The following ITPR1 variants were observed in gnomAD, a reference collection of about 807,000 sequenced individuals.
ITPR1 encodes the protein inositol 1,4,5-trisphosphate-gated calcium channel ITPR1.
ITPR1 carries 96 observed loss-of-function variants against 318.4 expected under a neutral mutation model. The ratio of observed to expected loss-of-function variants is 0.30; its 90% CI spans 0.26 to 0.36. The LOEUF (loss-of-function observed/expected upper bound fraction) is 0.36. Among genes scored for constraint, ITPR1 ranks in the 10% least tolerant of loss-of-function variants. ITPR1 has a pLI of 1.00. For missense variants in ITPR1, 2,440 were observed against 3,460.2 expected (o/e 0.71, Z 7.40); for synonymous variants, 1,312 against 1,289.9 (o/e 1.02, Z -0.37).
chr3:4,610,974 CCTCCTT>C (rs1260958358), intron 4 of ITPR1, among the ~76,000 whole-genome samples: 5 of 83,292 alleles, frequency 6.0e-5, no homozygotes, highest in Non-Finnish European at 7.3e-5. Flanking sequence ...CCCCCTTCCC[CCTCCTT>C]CTCCTTCTCC....
At chr3:4,598,485 G>T (rs1043254220) in intron 4 of ITPR1, among the ~76,000 whole-genome samples, 1 of 152,108 alleles carries the variant, frequency 6.6e-6, no homozygotes, top group Admixed American at 6.5e-5. Context: ...GCTGGGTGTG[G>T]TGGTGGGTGC....
At chr3:4,821,967 T>A (rs897421919) in intron 60 of ITPR1, among the ~76,000 whole-genome samples, 17 of 152,316 alleles carry the variant, frequency 1.1e-4, no homozygotes, top group Middle Eastern at 3.4e-3. Flanking sequence ...GATGGGAGTA[T>A]CCCCCTCAAA....
At chr3:4,594,087 T>C (rs1575644037) in intron 4 of ITPR1, among the ~76,000 whole-genome samples, 1 of 152,228 alleles carries the variant, frequency 6.6e-6, no homozygotes, top group South Asian at 2.1e-4. Context: ...AGGTAGAAGG[T>C]AGACTTCGGG....
At chr3:4,757,760 G>A (rs569064905) in intron 44 of ITPR1, among the ~76,000 whole-genome samples, 4 of 152,306 alleles carry the variant, frequency 2.6e-5, no homozygotes, top group South Asian at 4.2e-4. Context: ...CCGGCAAATC[G>A]GAAACGTTCA....
intron 39 of ITPR1, among the ~76,000 whole-genome samples, chr3:4,714,597 C>T (rs1255308789): frequency 6.6e-6 from 1 of 152,148 alleles, no homozygotes; most frequent in Admixed American, 6.5e-5. Context: ...TTCCCAAATC[C>T]CTGTGAGGTG....
intron 4 of ITPR1, among the ~76,000 whole-genome samples, chr3:4,626,066 G>C (rs555503861): frequency 4.0e-4 from 61 of 152,152 alleles, no homozygotes; most frequent in African/African-American, 1.3e-3. Context: ...TTCAGTCCAG[G>C]AGTTCCAGGC....
At chr3:4,675,003 C>A (rs2094155435) in intron 22 of ITPR1, 65 bp from the exon 23 acceptor site, 1 of 857,858 alleles carries the variant, frequency 1.2e-6, no homozygotes, top group Admixed American at 2.3e-5. Flanking sequence ...TGGTCAACAT[C>A]AAATGGAATT....
At chr3:4,627,511 T>A (rs968616416) in intron 4 of ITPR1, among the ~76,000 whole-genome samples, 16 of 152,084 alleles carry the variant, frequency 1.1e-4, no homozygotes, top group Non-Finnish European at 2.9e-5. Flanking sequence ...CACAAAACAC[T>A]GAATTTGTAC....
chr3:4,728,887 A>G (rs1005661313), intron 42 of ITPR1, among the ~76,000 whole-genome samples: 1 of 152,214 alleles, frequency 6.6e-6, no homozygotes, highest in Admixed American at 6.5e-5. Flanking sequence ...GTGATTTCTC[A>G]GACTAGGACC....
intron 41 of ITPR1, among the ~76,000 whole-genome samples, chr3:4,726,353 AAAAATC>A (rs983007228): frequency 2.0e-5 from 3 of 152,024 alleles, no homozygotes; most frequent in Admixed American, 6.6e-5. Flanking sequence ...AAAAAAAAAA[AAAAATC>A]TATCCTCCTT....
intron 14 of ITPR1, 26 bp downstream of exon 14, chr3:4,661,113 CT>C (rs1559635981): frequency 7.4e-7 from 1 of 1,354,978 alleles, no homozygotes; most frequent in Non-Finnish European, 1.1e-6. Context: ...TGCCTGTCTC[CT>C]TTTGGTCTCG....
At chr3:4,798,356 G>T (rs775134803) in intron 53 of ITPR1, among the ~76,000 whole-genome samples, 1 of 152,204 alleles carries the variant, frequency 6.6e-6, no homozygotes, top group Non-Finnish European at 1.5e-5. Context: ...AAACGATGTT[G>T]AGCATCACTA....
At chr3:4,572,333 G>A (rs1254097593) in intron 4 of ITPR1, among the ~76,000 whole-genome samples, 1 of 151,996 alleles carries the variant, frequency 6.6e-6, no homozygotes, top group East Asian at 1.9e-4. Flanking sequence ...TCAGTAAATG[G>A]CAATTTCAGT....
chr3:4,681,125 G>A (rs2094290339), intron 25 of ITPR1, among the ~76,000 whole-genome samples: 1 of 152,170 alleles, frequency 6.6e-6, no homozygotes, highest in Non-Finnish European at 1.5e-5. Flanking sequence ...AAGCTTCCAT[G>A]AGTGAGATCA....
At chr3:4,499,665 G>T (rs748347281) in intron 2 of ITPR1, among the ~76,000 whole-genome samples, 1 of 151,894 alleles carries the variant, frequency 6.6e-6, no homozygotes, top group Non-Finnish European at 1.5e-5. Context: ...TGTTGTTATC[G>T]AAGAAACTGG....
intron 4 of ITPR1, among the ~76,000 whole-genome samples, chr3:4,564,991 A>G (rs1487269209): frequency 1.3e-5 from 2 of 152,224 alleles, no homozygotes; most frequent in Non-Finnish European, 2.9e-5. Context: ...AAATGAAAAT[A>G]CGGACAATAC....
intron 42 of ITPR1, among the ~76,000 whole-genome samples, chr3:4,727,816 T>A (rs1559783558): frequency 6.6e-6 from 1 of 152,212 alleles, no homozygotes; most frequent in Non-Finnish European, 1.5e-5. Flanking sequence ...GCTCAAGCAA[T>A]CCTCTTGCCT....
chr3:4,563,202 G>A (rs1191343038), intron 4 of ITPR1, among the ~76,000 whole-genome samples: 1 of 152,162 alleles, frequency 6.6e-6, no homozygotes, highest in Non-Finnish European at 1.5e-5. Flanking sequence ...ACCTCAGGGA[G>A]TAGTCAAGAC....
At chr3:4,523,845 G>A (rs1481634670) in intron 4 of ITPR1, among the ~76,000 whole-genome samples, 1 of 152,200 alleles carries the variant, frequency 6.6e-6, no homozygotes, top group African/African-American at 2.4e-5. Context: ...GACTGTAAAG[G>A]TGCCTGGTGC....
Sources: gnomAD v4.1 joint callset for allele counts (sites outside exome capture counted in the v4.1 genomes callset) on GRCh38, gnomAD v4.1.1 for gene constraint, MANE v1.5 for transcripts, NCBI Gene and HGNC (gene_info 2026-07-23, HGNC 2026-07-21) for gene names.